Variants in GDPD4 observed in about 807,000 individuals in gnomAD.
The protein encoded by GDPD4 is glycerophosphodiester phosphodiesterase domain containing 4.
GDPD4 carries 60 observed loss-of-function variants against 67.8 expected under a neutral mutation model. The ratio of observed to expected loss-of-function variants is 0.88; its 90% confidence interval spans 0.72 to 1.10. GDPD4 has a LOEUF of 1.10. Among genes scored for constraint, GDPD4 ranks in the 50% least tolerant of loss-of-function variants. The probability of loss-of-function intolerance (pLI) is 0.00; values close to 1 mark genes in which losing one functional copy is unlikely to be tolerated. For synonymous variants in GDPD4, 212 were observed against 210.9 expected, an observed-to-expected ratio of 1.00 and a Z score of -0.04; for missense variants, 623 against 613.9, an observed-to-expected ratio of 1.01 and a Z score of -0.16.
chr11:77,269,179 T>G, intron 8 of GDPD4, 110 bp from the exon 9 acceptor site: 1 of 900,076 alleles, frequency 1.1e-6, no homozygotes, highest in Non-Finnish European at 1.7e-6. Flanking sequence ...ATGGGTTTCA[T>G]TGACTGTGTA....
At chr11:77,253,034 C>G (rs928858201) in intron 11 of GDPD4, among the ~76,000 whole-genome samples, 1 of 152,188 alleles carries the variant, frequency 6.6e-6, no homozygotes, top group African/African-American at 2.4e-5. Context: ...GTCCTAGGAT[C>G]AGAGTCTCAC....
chr11:77,261,927 T>C (rs992714573), intron 10 of GDPD4, among the ~76,000 whole-genome samples: 4 of 152,212 alleles, frequency 2.6e-5, no homozygotes, highest in Admixed American at 6.5e-5. Context: ...AATAATTAAA[T>C]TGTATTAGAT....
At chr11:77,280,263 A>C (rs901161580) in intron 3 of GDPD4, among the ~76,000 whole-genome samples, 1 of 152,144 alleles carries the variant, frequency 6.6e-6, no homozygotes, top group African/African-American at 2.4e-5. Context: ...TTGGACCCAA[A>C]AAAACATAAT....
intron 1 of GDPD4, among the ~76,000 whole-genome samples, chr11:77,291,356 G>C (rs1004585754): frequency 1.3e-5 from 2 of 152,154 alleles, no homozygotes; most frequent in Non-Finnish European, 2.9e-5. Context: ...ATAATTACCG[G>C]AGGCTGGGAA....
intron 5 of GDPD4, among the ~76,000 whole-genome samples, chr11:77,273,774 GA>G (rs1196265322): frequency 6.6e-6 from 1 of 152,110 alleles, no homozygotes; most frequent in Non-Finnish European, 1.5e-5. Context: ...TAATATAGAA[GA>G]AATAATAAAA....
intron 10 of GDPD4, among the ~76,000 whole-genome samples, chr11:77,262,582 G>A (rs1020304017): frequency 6.6e-6 from 1 of 152,112 alleles, no homozygotes; most frequent in Admixed American, 6.5e-5. Context: ...AATTGCTTAA[G>A]ATGTTTTTCA....
intron 13 of GDPD4, among the ~76,000 whole-genome samples, chr11:77,240,594 C>G (rs1958643823): frequency 6.6e-6 from 1 of 152,110 alleles, no homozygotes; most frequent in Non-Finnish European, 1.5e-5. Context: ...TTGGATATGA[C>G]CCCAAAAGCA....
chr11:77,294,016 A>AGT (rs1405728510), intron 1 of GDPD4, among the ~76,000 whole-genome samples: 1 of 152,230 alleles, frequency 6.6e-6, no homozygotes, highest in Non-Finnish European at 1.5e-5. Context: ...CAAAAAACTT[A>AGT]GAATTAATAA....
chr11:77,249,466 G>A (rs1022702520), intron 11 of GDPD4, among the ~76,000 whole-genome samples: 11 of 152,156 alleles, frequency 7.2e-5, no homozygotes, highest in African/African-American at 2.4e-4. Context: ...AAGGAGCTTG[G>A]AAGCTGTCAC....
In GDPD4 at chr11:77,276,231, A is replaced by G; in HGVS notation, c.148-11T>C. 6.2e-7 allele frequency: 1 copy of G among 1,609,760 alleles called. No homozygotes were observed. Among genetic ancestry groups the G allele is most frequent in the Admixed American group, 1.7e-5 (1 of 60,020 alleles). On this transcript the variant is annotated splice_polypyrimidine_tract_variant and intron_variant, in intron 4 of 16. Transcript: ENST00000315938. ...CAAAAATCCAAGTAACTGCAAAAGC[A>G]AAGAAGAAAAAGAGAGTTATTTTGA...
intron 4 of GDPD4, among the ~76,000 whole-genome samples, chr11:77,278,741 G>C (rs879340205): frequency 6.6e-6 from 1 of 152,194 alleles, no homozygotes; most frequent in Non-Finnish European, 1.5e-5. Context: ...CCCATTTCCA[G>C]ACTTTTCTCT....
rs1371291782 is a variant in GDPD4 at position 77,223,616 on chromosome 11, T to TG, written c.1525+4247dup. On this transcript the variant is annotated intron_variant, in intron 16 of 16. Transcript: ENST00000315938. ...GTATGACCTGTCAGTCGGCCTCTACTGGGCGGTGTCTCCCAGTTAGGATAC... is the reference window on the plus strand; with the variant it reads ...GTATGACCTGTCAGTCGGCCTCTACTGGGGCGGTGTCTCCCAGTTAGGATAC... Among the ~76,000 whole-genome samples, 59 of 152,146 alleles carry TG rather than the reference T, an allele frequency of 3.9e-4. 1 individual carries two copies. Among genetic ancestry groups the TG allele is most frequent in the Non-Finnish European group, 5.9e-5 (4 of 68,036 alleles).
chr11:77,232,201 G>A (rs1010425211), intron 14 of GDPD4, among the ~76,000 whole-genome samples: 1 of 152,192 alleles, frequency 6.6e-6, no homozygotes, highest in African/African-American at 2.4e-5. Context: ...GACTAAAAGT[G>A]AACTTCTAAA....
At chr11:77,257,681 T>C (rs1435999895) in intron 11 of GDPD4, among the ~76,000 whole-genome samples, 1 of 152,028 alleles carries the variant, frequency 6.6e-6, no homozygotes, top group Non-Finnish European at 1.5e-5. Flanking sequence ...GCTCAAATGG[T>C]AGCTGTGCAT....
At chr11:77,277,731 C>G (rs539939306) in intron 4 of GDPD4, among the ~76,000 whole-genome samples, 1 of 151,286 alleles carries the variant, frequency 6.6e-6, no homozygotes, top group Non-Finnish European at 1.5e-5. Flanking sequence ...GTGTCTCTAT[C>G]TCCTTCAGTT....
intron 13 of GDPD4, among the ~76,000 whole-genome samples, chr11:77,235,024 T>C (rs1382841465): frequency 7.1e-6 from 1 of 141,410 alleles, no homozygotes; most frequent in Admixed American, 7.1e-5. Flanking sequence ...TTTTTTTTTT[T>C]TTTTTTTTTT....
intron 11 of GDPD4, among the ~76,000 whole-genome samples, chr11:77,256,449 T>C (rs1361661053): frequency 6.6e-6 from 1 of 152,212 alleles, no homozygotes. Context: ...AGGACAAATA[T>C]TCTGAGTAAC....
At chr11:77,299,389 C>T (rs1041816409) in intron 1 of GDPD4, among the ~76,000 whole-genome samples, 2 of 152,210 alleles carry the variant, frequency 1.3e-5, no homozygotes, top group African/African-American at 4.8e-5. Flanking sequence ...TTTAATACTG[C>T]AATCTGCTCC....
In GDPD4 at chr11:77,245,317, T is replaced by C; in HGVS notation, c.1050A>G (p.Val350=). ...PLRHTFVRQV[V]SVILASKIEQ... ...CGATTTTAGAGGCAAGGATCACGCTTACTACTTGGCGGACAAATGTGTGTC... is the reference window on the plus strand; with the variant it reads ...CGATTTTAGAGGCAAGGATCACGCTCACTACTTGGCGGACAAATGTGTGTC... The change falls in exon 12 of 17, where the codon GTA becomes GTG. Residue 350 remains valine (V), a synonymous_variant. Coordinates refer to ENST00000315938, the MANE Select transcript of GDPD4 (RefSeq NM_182833.3). 5.0e-6 allele frequency: 8 copies of C among 1,614,178 alleles called. No individual in the cohort carries two copies. The highest frequency in any genetic ancestry group is 6.8e-6 in the Non-Finnish European group (8 of 1,180,008).
Sources: allele counts gnomAD v4.1 joint callset (sites outside exome capture counted in the v4.1 genomes callset), GRCh38; gene constraint gnomAD v4.1.1; transcripts MANE v1.5; gene names NCBI Gene and HGNC (gene_info 2026-07-23, HGNC 2026-07-21).